The following ITK variants were observed in gnomAD, a reference collection of about 807,000 sequenced individuals.
The protein encoded by ITK is IL2 inducible T cell kinase.
A neutral mutation model predicts 87.6 loss-of-function variants in ITK; 45 were observed. That is an observed-to-expected ratio of 0.51 (90% confidence interval 0.40 to 0.66). The LOEUF (loss-of-function observed/expected upper bound fraction) is 0.66. ITK is among the 30% of genes least tolerant of loss of function. The pLI is 0.00. For synonymous variants in ITK, 303 were observed against 273.6 expected (o/e 1.11, Z -1.06); for missense variants, 605 against 766.3 (o/e 0.79, Z 2.48).
intron 1 of ITK, chr5:157,195,360 C>A (rs1047653441): frequency 4.6e-5 from 7 of 152,202 alleles, no homozygotes; most frequent in Non-Finnish European, 1.0e-4. Context: ...TGTCCCCTTG[C>A]CTCCGTGCCT....
At chr5:157,182,044 C>G (rs1390462861) in intron 1 of ITK, among the ~76,000 whole-genome samples, 4 of 152,192 alleles carry the variant, frequency 2.6e-5, no homozygotes, top group Non-Finnish European at 5.9e-5. Context: ...CCTTCAAGAT[C>G]CCTTTCTTCT....
At chr5:157,239,464 C>T (rs1754843529) in intron 9 of ITK, among the ~76,000 whole-genome samples, 1 of 152,052 alleles carries the variant, frequency 6.6e-6, no homozygotes, top group Non-Finnish European at 1.5e-5. Context: ...CTGCCTAGCA[C>T]ATGCCAAAGT....
At chr5:157,219,868 A>G (rs909136648) in intron 5 of ITK, among the ~76,000 whole-genome samples, 1 of 151,976 alleles carries the variant, frequency 6.6e-6, no homozygotes, top group African/African-American at 2.4e-5. Context: ...AAAGCCAGAA[A>G]ACACTGCTGG....
intron 16 of ITK, among the ~76,000 whole-genome samples, chr5:157,250,445 GTTTA>G (rs962523107): frequency 2.0e-5 from 3 of 151,330 alleles, no homozygotes; most frequent in African/African-American, 7.3e-5. Context: ...ATATATCATA[GTTTA>G]TTTATTTACC....
chr5:157,247,780 G>A (rs1240768066), intron 15 of ITK, among the ~76,000 whole-genome samples: 7 of 152,186 alleles, frequency 4.6e-5, no homozygotes, highest in Non-Finnish European at 1.0e-4. Context: ...TTTGTCCTAC[G>A]TTTTAAGTTT....
chr5:157,193,131 G>A (rs1326472577), intron 1 of ITK, among the ~76,000 whole-genome samples: 2 of 152,068 alleles, frequency 1.3e-5, no homozygotes, highest in Non-Finnish European at 2.9e-5. Context: ...TGAGGGAAGA[G>A]GATTGCTTAA....
At position 157,254,290 on chromosome 5, in the gene ITK, T is replaced by C. The variant is rs1755208267; in HGVS notation, c.*1612T>C. The C allele has an allele frequency of 8.8e-6, 2 of 228,134 alleles. No individual in the cohort carries two copies. Among genetic ancestry groups the C allele is most frequent in the Non-Finnish European group, 1.7e-5 (2 of 115,002 alleles). 14.1% of individuals were successfully genotyped at this position (228,134 alleles called of 1,614,324 possible). Reference sequence around the variant, plus strand: ...CTTTTCCTATTCTGTATCCTTACCTTGGTCATGTTAATGACTTTGGAGTTA... The same window carrying C: ...CTTTTCCTATTCTGTATCCTTACCTCGGTCATGTTAATGACTTTGGAGTTA... On this transcript the variant is annotated 3_prime_UTR_variant, in exon 17 of 17. Coordinates refer to ENST00000422843, the MANE Select transcript of ITK (RefSeq NM_005546.4).
chr5:157,202,883 T>C (rs757628095), intron 1 of ITK, among the ~76,000 whole-genome samples: 3 of 152,236 alleles, frequency 2.0e-5, no homozygotes, highest in Non-Finnish European at 2.9e-5. Context: ...GAACTTCACA[T>C]AGAATTTTTA....
intron 16 of ITK, among the ~76,000 whole-genome samples, chr5:157,250,543 G>A (rs1385179111): frequency 6.6e-6 from 1 of 151,310 alleles, no homozygotes; most frequent in Non-Finnish European, 1.5e-5. Flanking sequence ...TTGAGATGGG[G>A]TCTTACTCTG....
At chr5:157,225,762 T>G (rs1409088522) in intron 6 of ITK, among the ~76,000 whole-genome samples, 1 of 152,166 alleles carries the variant, frequency 6.6e-6, no homozygotes, top group Non-Finnish European at 1.5e-5. Context: ...CTCTGTCCAT[T>G]ATAGACAGGC....
intron 1 of ITK, among the ~76,000 whole-genome samples, chr5:157,204,938 A>G (rs75911209): frequency 0.013 from 1,954 of 152,238 alleles, 33 homozygotes; most frequent in African/African-American, 0.043. Context: ...TTCCTCAGCT[A>G]CTAAATCAAA....
intron 5 of ITK, among the ~76,000 whole-genome samples, chr5:157,220,371 G>C (rs25779): frequency 0.71 from 107,764 of 152,068 alleles, 38,697 homozygotes; most frequent in East Asian, 0.98. Flanking sequence ...GGGAACTCAA[G>C]TCTTCCTCTT....
At chr5:157,240,288 G>A in intron 10 of ITK, 93 bp downstream of exon 10, 2 of 1,199,226 alleles carry the variant, frequency 1.7e-6, no homozygotes, top group African/African-American at 1.5e-5. Context: ...CCTTCTGTCA[G>A]ATCAGCGTCA....
chr5:157,189,132 G>A (rs1485835248), intron 1 of ITK, among the ~76,000 whole-genome samples: 1 of 152,196 alleles, frequency 6.6e-6, no homozygotes, highest in African/African-American at 2.4e-5. Context: ...TTGCAATTGA[G>A]ACATGCACAG....
At chr5:157,203,464 T>G in intron 1 of ITK, among the ~76,000 whole-genome samples, 1 of 152,194 alleles carries the variant, frequency 6.6e-6, no homozygotes, top group East Asian at 1.9e-4. Context: ...CAGGACCTAG[T>G]AGGTTCCAAA....
At chr5:157,244,508 G>A (rs1286381178) in intron 13 of ITK, 30 bp downstream of exon 13, 1 of 1,273,332 alleles carries the variant, frequency 7.9e-7, no homozygotes, top group Admixed American at 1.7e-5. Flanking sequence ...ACACCCACAG[G>A]TCCAGGGTAA....
Position 157,200,526 on chromosome 5 carries a change from C to A in ITK, c.139-8363C>A, listed in dbSNP as rs561586186. Among the ~76,000 whole-genome samples the A allele has an allele frequency of 6.6e-5, 10 of 152,250 alleles. No individual in the cohort carries two copies. In the South Asian group the frequency reaches 2.1e-3, roughly 32 times the overall value. ...GTGTCGGGCTCATTGACCAGCCACC[C>A]CCCGGGGACCAACTAGGGAGGACAT... On this transcript the variant is annotated intron_variant, in intron 1 of 16. Transcript: ENST00000422843.
Position 157,252,671 on chromosome 5 carries a change from G to A in ITK, c.1856G>A (p.Gly619Glu). ...LRQLAEIAES[G>E]L Reference sequence around the variant, plus strand: ...CAACTGGCTGAAATTGCAGAATCAGGACTTTAGTAGAGACTGAGTACCAGG... The same window carrying A: ...CAACTGGCTGAAATTGCAGAATCAGAACTTTAGTAGAGACTGAGTACCAGG... Residue 619 changes from glycine (G) to glutamate (E), a missense_variant, in exon 17 of 17, where the codon GGA (glycine) becomes GAA (glutamate). By Grantham distance (98) the Gly-to-Glu change is moderately conservative. Coordinates refer to ENST00000422843, the MANE Select transcript of ITK (RefSeq NM_005546.4). 1.2e-6 allele frequency: 2 copies of A among 1,612,178 alleles called. No homozygotes were observed.
At position 157,243,807 on chromosome 5, in the gene ITK, A is replaced by G. The variant is rs986229029; in HGVS notation, c.1232+13A>G. 3 of 1,612,612 alleles carry G rather than the reference A, an allele frequency of 1.9e-6. No homozygotes were observed. Among genetic ancestry groups the G allele is most frequent in the African/African-American group, 2.7e-5 (2 of 74,872 alleles). On this transcript the variant is annotated intron_variant, in intron 12 of 16. Coordinates refer to ENST00000422843, the MANE Select transcript of ITK (RefSeq NM_005546.4). ...CTGAAGTAATGATGTGAGTGCTCAG[A>G]ACAAGGATATGCAGAAACTCTGGGG...
Sources: gnomAD v4.1 joint callset for allele counts (sites outside exome capture counted in the v4.1 genomes callset) on GRCh38, gnomAD v4.1.1 for gene constraint, MANE v1.5 for transcripts, NCBI Gene and HGNC (gene_info 2026-07-23, HGNC 2026-07-21) for gene names.